Variants in RASA1 observed in about 807,000 individuals in gnomAD.
The protein encoded by RASA1 is RAS p21 protein activator 1.
In RASA1, 25 loss-of-function variants were observed where a neutral mutation model predicts 132.2. That is an observed-to-expected ratio of 0.19 (90% CI 0.14 to 0.26). RASA1 has a LOEUF of 0.26. Ranked by LOEUF, RASA1 falls within the 10% of genes least tolerant of loss-of-function variation. The pLI is 1.00. For missense variants in RASA1, 964 were observed against 1,299.2 expected, an observed-to-expected ratio of 0.74 and a Z score of 3.97; for synonymous variants, 477 against 449.9, an observed-to-expected ratio of 1.06 and a Z score of -0.76.
intron 1 of RASA1, among the ~76,000 whole-genome samples, chr5:87,295,569 C>T (rs1047194563): frequency 1.3e-5 from 2 of 151,632 alleles, no homozygotes; most frequent in Admixed American, 6.6e-5. Context: ...AGTACAGTGG[C>T]GTGATGTTGT....
intron 1 of RASA1, among the ~76,000 whole-genome samples, chr5:87,284,080 G>T (rs1213910112): frequency 6.6e-6 from 1 of 152,092 alleles, no homozygotes; most frequent in Non-Finnish European, 1.5e-5. Flanking sequence ...CAAGACAAAT[G>T]CAGAAATATG....
intron 1 of RASA1, among the ~76,000 whole-genome samples, chr5:87,305,404 C>T (rs542486142): frequency 6.6e-6 from 1 of 152,196 alleles, no homozygotes; most frequent in East Asian, 1.9e-4. Flanking sequence ...GGGGAAAGGA[C>T]TATTAAATGG....
At chr5:87,269,312 C>G in intron 1 of RASA1, 1 of 1,535,634 alleles carries the variant, frequency 6.5e-7, no homozygotes, top group Non-Finnish European at 8.7e-7. Flanking sequence ...TTTAGTCAAA[C>G]TGCGGCTACC....
chr5:87,344,678 ATTTTT>A (rs113174684), intron 6 of RASA1, among the ~76,000 whole-genome samples: 1 of 131,208 alleles, frequency 7.6e-6, no homozygotes, highest in African/African-American at 2.8e-5. Flanking sequence ...AAATGTTGTA[ATTTTT>A]TTTTTTTTTT....
At chr5:87,271,893 C>A (rs1294350405) in intron 1 of RASA1, among the ~76,000 whole-genome samples, 1 of 151,852 alleles carries the variant, frequency 6.6e-6, no homozygotes, top group Non-Finnish European at 1.5e-5. Flanking sequence ...GTGCTTCACG[C>A]CTCTAATCCC....
rs1165974643 is a variant in RASA1 at position 87,391,712 on chromosome 5, G to GTTA, written c.*832_*834dup. On this transcript the variant is annotated 3_prime_UTR_variant, in exon 25 of 25. Coordinates refer to ENST00000274376, the MANE Select transcript of RASA1 (RefSeq NM_002890.3). ...GTTAACTAGAATGCTTTTGTTAAAA[G>GTTA]TTATTTGTTCATTATTTGTGCTACC... is the stretch of plus-strand genomic sequence containing the variant. The GTTA allele has an allele frequency of 4.3e-6, 1 of 232,586 alleles. No individual in the cohort carries two copies. Among genetic ancestry groups the GTTA allele is most frequent in the Non-Finnish European group, 8.5e-6 (1 of 117,634 alleles). 14.4% of individuals were successfully genotyped at this position (232,586 alleles called of 1,614,324 possible).
At chr5:87,293,758 G>A (rs753327493) in intron 1 of RASA1, among the ~76,000 whole-genome samples, 2 of 151,862 alleles carry the variant, frequency 1.3e-5, no homozygotes, top group African/African-American at 4.8e-5. Flanking sequence ...ATAGATGTAG[G>A]TCTATTCAAG....
At chr5:87,388,235 TTC>T (rs1407752976) in intron 23 of RASA1, among the ~76,000 whole-genome samples, 2 of 152,206 alleles carry the variant, frequency 1.3e-5, no homozygotes, top group African/African-American at 4.8e-5. Context: ...ACTGAATGTA[TTC>T]TGAGTAACTG....
intron 1 of RASA1, among the ~76,000 whole-genome samples, chr5:87,287,587 A>G (rs571534383): frequency 6.8e-6 from 1 of 146,294 alleles, no homozygotes; most frequent in African/African-American, 2.5e-5. Context: ...CCATATATAT[A>G]CACCATACAT....
At chr5:87,270,241 C>CA (rs112792931) in intron 1 of RASA1, among the ~76,000 whole-genome samples, 1,205 of 59,572 alleles carry the variant, frequency 0.02, 9 homozygotes, top group Middle Eastern at 0.073. Flanking sequence ...GACTCTGTCT[C>CA]AAAAAAAAAA....
chr5:87,334,241 A>G (rs533238179), intron 4 of RASA1, among the ~76,000 whole-genome samples: 76 of 152,188 alleles, frequency 5.0e-4, no homozygotes, highest in Non-Finnish European at 8.8e-4. Context: ...AGGGGAGCCT[A>G]TGGTGTAAAT....
intron 1 of RASA1, among the ~76,000 whole-genome samples, chr5:87,327,596 A>G (rs933462549): frequency 1.3e-5 from 2 of 152,184 alleles, no homozygotes; most frequent in African/African-American, 4.8e-5. Flanking sequence ...CTTTTGAACA[A>G]GCTCAGGGAG....
chr5:87,330,942 C>T (rs1757556503), intron 1 of RASA1: 2 of 1,425,194 alleles, frequency 1.4e-6, no homozygotes, highest in Non-Finnish European at 1.8e-6. Flanking sequence ...TCATAGGTTC[C>T]ATGTGCCTTG....
chr5:87,340,234 T>G (rs1758339548), intron 5 of RASA1, among the ~76,000 whole-genome samples: 1 of 152,130 alleles, frequency 6.6e-6, no homozygotes, highest in African/African-American at 2.4e-5. Flanking sequence ...TCATCCCTGT[T>G]TCACAGAGGA....
At chr5:87,346,796 T>C (rs1758895442) in intron 7 of RASA1, 72 bp downstream of exon 7, 82 of 1,226,274 alleles carry the variant, frequency 6.7e-5, no homozygotes, top group Non-Finnish European at 9.7e-5. Flanking sequence ...CCATTTATCA[T>C]GTGTTTTGCC....
intron 3 of RASA1, 46 bp from the exon 4 acceptor site, chr5:87,333,221 A>T: frequency 1.2e-6 from 2 of 1,603,034 alleles, no homozygotes; most frequent in South Asian, 1.1e-5. Flanking sequence ...TGACTTTAAG[A>T]TAAAAAGACT....
chr5:87,364,374 A>G (rs1035878469), intron 11 of RASA1, among the ~76,000 whole-genome samples: 1 of 152,274 alleles, frequency 6.6e-6, no homozygotes, highest in Non-Finnish European at 1.5e-5. Context: ...AAAATGATCA[A>G]ATAGGTTTGG....
chr5:87,363,284 T>C, intron 10 of RASA1, 64 bp from the exon 11 acceptor site: 1 of 1,384,702 alleles, frequency 7.2e-7, no homozygotes, highest in Admixed American at 1.8e-5. Flanking sequence ...AAACACTAAT[T>C]TTAATAATAT....
At chr5:87,378,269 C>T (rs918529474) in intron 17 of RASA1, 127 bp from the exon 18 acceptor site, 11 of 1,056,990 alleles carry the variant, frequency 1.0e-5, no homozygotes, top group Middle Eastern at 2.0e-4. Context: ...GTACTTTCAA[C>T]GCTGCACGCA....
Sources: gnomAD v4.1 joint callset for allele counts (sites outside exome capture counted in the v4.1 genomes callset) on GRCh38, gnomAD v4.1.1 for gene constraint, MANE v1.5 for transcripts, NCBI Gene and HGNC (gene_info 2026-07-23, HGNC 2026-07-21) for gene names.